Variants in ATP10B observed in about 807,000 individuals in gnomAD.
The protein encoded by ATP10B is phospholipid-transporting ATPase VB.
ATP10B carries 122 observed loss-of-function variants against 141.2 expected under a neutral mutation model. The ratio of observed to expected loss-of-function variants is 0.86; its 90% confidence interval spans 0.75 to 1.00. The LOEUF (loss-of-function observed/expected upper bound fraction) is 1.00. ATP10B is among the 50% of genes least tolerant of loss of function. ATP10B has a pLI of 0.00. For synonymous variants in ATP10B, 685 were observed against 692.0 expected (o/e 0.99, Z 0.16); for missense variants, 1,876 against 1,825.3 (o/e 1.03, Z -0.51).
intron 1 of ATP10B, among the ~76,000 whole-genome samples, chr5:160,797,276 T>G (rs934444861): frequency 1.3e-5 from 2 of 152,212 alleles, no homozygotes; most frequent in Non-Finnish European, 2.9e-5. Flanking sequence ...AGGTTACCTA[T>G]GGATGCATGC....
chr5:160,912,600 G>T, the ATP10B span, among the ~76,000 whole-genome samples: 617 of 128,630 alleles, frequency 4.8e-3, 22 homozygotes, highest in Admixed American at 0.042. Context: ...CACTGTCAAA[G>T]AAAAGAAAAG....
the ATP10B span, among the ~76,000 whole-genome samples, chr5:160,862,050 A>G: frequency 6.6e-6 from 1 of 151,958 alleles, no homozygotes; most frequent in Non-Finnish European, 1.5e-5. Flanking sequence ...ACATGAAGAA[A>G]TATCCAGCCT....
chr5:160,844,532 T>C (rs1256229208), intron 1 of ATP10B, among the ~76,000 whole-genome samples: 2 of 151,946 alleles, frequency 1.3e-5, no homozygotes, highest in Non-Finnish European at 2.9e-5. Flanking sequence ...AAGGTCCCAA[T>C]AACTTAATAA....
chr5:160,663,217 G>A (rs1014678608), intron 7 of ATP10B, among the ~76,000 whole-genome samples: 1 of 152,140 alleles, frequency 6.6e-6, no homozygotes, highest in African/African-American at 2.4e-5. Context: ...CAACCATTGT[G>A]GAAGTCAGTG....
intron 7 of ATP10B, among the ~76,000 whole-genome samples, chr5:160,652,883 ATAT>A (rs1760902412): frequency 2.2e-5 from 2 of 90,336 alleles, no homozygotes; most frequent in Non-Finnish European, 3.9e-5. Context: ...TATAATATAT[ATAT>A]AATTATATAA....
At chr5:160,757,764 G>A (rs562901171) in intron 2 of ATP10B, among the ~76,000 whole-genome samples, 1 of 152,296 alleles carries the variant, frequency 6.6e-6, no homozygotes, top group African/African-American at 2.4e-5. Context: ...GGCTAATGCA[G>A]AATGTAATCC....
Position 160,569,546 on chromosome 5 carries a change from G to C in ATP10B, c.3888C>G (p.Pro1296=). ...TGAGAAAGCAGACGAGGTAGAAAGT[G>C]GGGTTTGAGAGCTGGCCTTCCATCA... ...YWVMEGQLSN[P]TFYLVCFLTP... Residue 1296 remains proline, a synonymous_variant, in exon 25 of 26, where the codon CCC becomes CCG. Coordinates refer to ENST00000327245, the MANE Select transcript of ATP10B (RefSeq NM_025153.3). The C allele has an allele frequency of 6.2e-7, 1 of 1,613,948 alleles. No homozygotes were observed. The highest frequency in any genetic ancestry group is 8.5e-7 in the Non-Finnish European group (1 of 1,179,898).
upstream of ATP10B, among the ~76,000 whole-genome samples, chr5:160,852,992 A>G (rs1350055322): frequency 6.6e-6 from 1 of 152,168 alleles, no homozygotes; most frequent in Non-Finnish European, 1.5e-5. Context: ...TTTACATAAG[A>G]TTTTGGTTGG....
intron 2 of ATP10B, among the ~76,000 whole-genome samples, chr5:160,760,518 T>A (rs1288753801): frequency 1.3e-5 from 2 of 152,232 alleles, no homozygotes; most frequent in Non-Finnish European, 2.9e-5. Context: ...GCAGCTGAAT[T>A]AGGATTGCCA....
At chr5:160,652,911 ATG>A (rs1464059865) in intron 7 of ATP10B, among the ~76,000 whole-genome samples, 14 of 68,294 alleles carry the variant, frequency 2.0e-4, no homozygotes, top group Non-Finnish European at 3.1e-4. Flanking sequence ...TTATATATAC[ATG>A]TATATATAAT....
intron 3 of ATP10B, among the ~76,000 whole-genome samples, chr5:160,690,861 T>C (rs1207202803): frequency 6.6e-6 from 1 of 152,164 alleles, no homozygotes; most frequent in Non-Finnish European, 1.5e-5. Context: ...ACTGGGGATA[T>C]ACCCAAAGGA....
the ATP10B span, among the ~76,000 whole-genome samples, chr5:160,859,730 C>T: frequency 1.3e-5 from 2 of 151,882 alleles, no homozygotes; most frequent in Non-Finnish European, 2.9e-5. Context: ...ATATCCAACA[C>T]TGGTGACTGG....
In ATP10B at chr5:160,569,581, G is replaced by A. The variant is rs199502815; in HGVS notation, c.3853C>T (p.Pro1285Ser). Residue 1285 changes from proline (P) to serine (S), a missense_variant, in exon 25 of 26, where the codon CCC becomes TCC. By Grantham distance (74) the Pro-to-Ser change is moderately conservative. Transcript: ENST00000327245. ...AGCTGGCCTTCCATCACCCAATAGG[G>A]ATTGGTGGGGCTGTTGCAGATGACG... is the stretch of plus-strand genomic sequence containing the variant. ...TCVICNSPTN[P>S]YWVMEGQLSN... 3 of 1,613,762 alleles carry A rather than the reference G, an allele frequency of 1.9e-6. No individual in the cohort carries two copies. The highest frequency in any genetic ancestry group is 2.7e-5 in the African/African-American group (2 of 74,910).
At chr5:160,648,101 G>A (rs1760424257) in intron 8 of ATP10B, among the ~76,000 whole-genome samples, 1 of 152,148 alleles carries the variant, frequency 6.6e-6, no homozygotes, top group African/African-American at 2.4e-5. Flanking sequence ...CTGTGAGTTA[G>A]GGAGAATCTT....
chr5:160,637,891 T>C (rs1335559036), intron 10 of ATP10B, among the ~76,000 whole-genome samples: 2 of 152,130 alleles, frequency 1.3e-5, no homozygotes, highest in Non-Finnish European at 2.9e-5. Flanking sequence ...AAGGTACTGT[T>C]ATAAAGCAGA....
chr5:160,729,200 A>G (rs566722695), intron 2 of ATP10B, among the ~76,000 whole-genome samples: 1 of 152,080 alleles, frequency 6.6e-6, no homozygotes, highest in East Asian at 2.0e-4. Context: ...ACTCTCTGGA[A>G]GCTTATAATG....
the ATP10B span, among the ~76,000 whole-genome samples, chr5:160,870,970 C>G: frequency 0.063 from 1,057 of 16,760 alleles, 14 homozygotes; most frequent in African/African-American, 0.1. Context: ...CAATTCTGTA[C>G]TTTTTGAAAT....
Position 160,620,898 on chromosome 5 carries a change from T to A in ATP10B, c.1865A>T (p.Gln622Leu). The A allele has an allele frequency of 1.2e-6, 2 of 1,614,200 alleles. No homozygotes were observed. The highest frequency in any genetic ancestry group is 4.5e-5 in the East Asian group (2 of 44,884). ...KALGTSLEKI[Q>L]QLFQKLKLLS... ...TAGCTTCAACTTCTGGAAGAGCTGC[T>A]GAATCTTCTCCAGGGACGTCCCCAG... The change falls in exon 15 of 26, where the codon CAG becomes CTG. Residue 622 changes from glutamine to leucine, a missense_variant. Gln to Leu is a moderately radical substitution (Grantham distance 113, BLOSUM62 -2). Coordinates refer to ENST00000327245, the MANE Select transcript of ATP10B (RefSeq NM_025153.3).
At chr5:160,610,327 T>C (rs183256217) in intron 18 of ATP10B, among the ~76,000 whole-genome samples, 8 of 152,284 alleles carry the variant, frequency 5.3e-5, no homozygotes, top group Admixed American at 1.3e-4. Context: ...AACTGAGGCC[T>C]GCTAACAGTC....
Sources: allele counts gnomAD v4.1 joint callset (sites outside exome capture counted in the v4.1 genomes callset), GRCh38; gene constraint gnomAD v4.1.1; transcripts MANE v1.5; gene names NCBI Gene and HGNC (gene_info 2026-07-23, HGNC 2026-07-21).